TENM2: variants seen among roughly 807,000 people sequenced by gnomAD.
TENM2 encodes teneurin-2.
TENM2 carries 52 observed loss-of-function variants against 245.2 expected under a neutral mutation model. The ratio of observed to expected loss-of-function variants is 0.21; its 90% CI spans 0.17 to 0.27. The LOEUF is 0.27. Among genes scored for constraint, TENM2 ranks in the 10% least tolerant of loss-of-function variants. TENM2 has a pLI of 1.00. For synonymous variants in TENM2, 1,363 were observed against 1,438.9 expected, an observed-to-expected ratio of 0.95 and a Z score of 1.19; for missense variants, 3,046 against 3,666.8, an observed-to-expected ratio of 0.83 and a Z score of 4.37.
chr5:168,127,182 A>G (rs768609470), intron 12 of TENM2, among the ~76,000 whole-genome samples: 1 of 152,220 alleles, frequency 6.6e-6, no homozygotes, highest in Non-Finnish European at 1.5e-5. Context: ...ACCAGAGCAG[A>G]TAAGAAAACC....
At chr5:167,647,073 G>A (rs1780014732) in intron 2 of TENM2, among the ~76,000 whole-genome samples, 1 of 152,158 alleles carries the variant, frequency 6.6e-6, no homozygotes, top group African/African-American at 2.4e-5. Context: ...TAATACCAAA[G>A]ATGGGACTTT....
the TENM2 span, among the ~76,000 whole-genome samples, chr5:167,129,043 A>C: frequency 2.0e-5 from 3 of 152,128 alleles, no homozygotes; most frequent in Non-Finnish European, 4.4e-5. Flanking sequence ...AGTCAGGAAC[A>C]CCTTCCCCAG....
chr5:167,300,211 T>C (rs1416842150), intron 1 of TENM2, among the ~76,000 whole-genome samples: 1 of 152,184 alleles, frequency 6.6e-6, no homozygotes, highest in Non-Finnish European at 1.5e-5. Context: ...CGTGTGTTTT[T>C]ATGAGAATTA....
chr5:167,641,768 C>T (rs2150252504), intron 2 of TENM2, among the ~76,000 whole-genome samples: 1 of 152,248 alleles, frequency 6.6e-6, no homozygotes, highest in Non-Finnish European at 1.5e-5. Context: ...AATTATAAAA[C>T]CTGCTTCAGA....
chr5:167,039,860 G>A, the TENM2 span, among the ~76,000 whole-genome samples: 1 of 152,108 alleles, frequency 6.6e-6, no homozygotes, highest in Non-Finnish European at 1.5e-5. Context: ...AAAAAGCACA[G>A]GAGTTCACCT....
rs377141175 is a variant in TENM2, at chr5:167,436,288, C to T, written c.502+60815C>T. Among the ~76,000 whole-genome samples the T allele has an allele frequency of 2.5e-4, 38 of 151,818 alleles. No individual in the cohort carries two copies. The South Asian group carries it at 7.5e-3, about 30-fold the overall frequency. ...TTTTAGTAGAGACAGGATTTTCCCA[C>T]GTTGGCCAGGCTGGTCTCGAACTCC... On this transcript the variant is annotated intron_variant, in intron 2 of 28. Transcript: ENST00000518659.
At chr5:167,436,797 G>A (rs989227049) in intron 2 of TENM2, among the ~76,000 whole-genome samples, 2 of 152,080 alleles carry the variant, frequency 1.3e-5, no homozygotes, top group South Asian at 2.1e-4. Flanking sequence ...CTCTTCCTTC[G>A]GAGGGTGAAA....
At chr5:167,824,356 G>C (rs1767785525) in intron 2 of TENM2, among the ~76,000 whole-genome samples, 1 of 152,220 alleles carries the variant, frequency 6.6e-6, no homozygotes, top group South Asian at 2.1e-4. Context: ...TGTCTTCAGT[G>C]CCATGAGGGC....
chr5:167,189,231 G>T, the TENM2 span, among the ~76,000 whole-genome samples: 3 of 152,078 alleles, frequency 2.0e-5, no homozygotes, highest in African/African-American at 7.2e-5. Context: ...TGTAGTTATA[G>T]AATCACTCAT....
Position 167,648,597 on chromosome 5 carries a change from G to A in TENM2, c.503-227389G>A, listed in dbSNP as rs544746071. On this transcript the variant is annotated intron_variant, in intron 2 of 28. Transcript: ENST00000518659. ...GGAAACTCCAGCAAGTTATTTGGAA[G>A]TCTGTTTGATGTCAGTCTCCAGGGA... Among the ~76,000 whole-genome samples the A allele has an allele frequency of 2.0e-5, 3 of 152,308 alleles. No individual in the cohort carries two copies. The South Asian group carries it at 6.2e-4, about 32-fold the overall frequency.
intron 9 of TENM2, among the ~76,000 whole-genome samples, chr5:168,100,888 C>A (rs1469977279): frequency 6.8e-6 from 1 of 147,308 alleles, no homozygotes; most frequent in Admixed American, 6.8e-5. Context: ...CAAACCTGCA[C>A]ATTCTGCACA....
At chr5:167,758,658 C>G (rs2150692954) in intron 2 of TENM2, among the ~76,000 whole-genome samples, 1 of 152,176 alleles carries the variant, frequency 6.6e-6, no homozygotes, top group South Asian at 2.1e-4. Flanking sequence ...TAAGCACTTG[C>G]TGGTTGTTAG....
intron 2 of TENM2, among the ~76,000 whole-genome samples, chr5:167,671,946 A>C (rs986738630): frequency 6.6e-6 from 1 of 152,040 alleles, no homozygotes; most frequent in African/African-American, 2.4e-5. Context: ...TTCTATGTGC[A>C]CTGTGCTGGG....
At chr5:167,492,960 G>C (rs6555758) in intron 2 of TENM2, among the ~76,000 whole-genome samples, 143,492 of 152,230 alleles carry the variant, frequency 0.94, 67,915 homozygotes, top group Non-Finnish European at 0.99. Context: ...TTGGCAAAAT[G>C]TCAGCCAGGA....
At chr5:167,399,128 A>G (rs938320844) in intron 2 of TENM2, among the ~76,000 whole-genome samples, 1 of 152,146 alleles carries the variant, frequency 6.6e-6, no homozygotes, top group East Asian at 1.9e-4. Context: ...TCTGCCTCGT[A>G]TATCAAAAAG....
At chr5:167,082,658 T>A in the TENM2 span, among the ~76,000 whole-genome samples, 2 of 152,204 alleles carry the variant, frequency 1.3e-5, no homozygotes, top group African/African-American at 4.8e-5. Context: ...AGTTTGCAAC[T>A]ACTGTGACTC....
the TENM2 span, among the ~76,000 whole-genome samples, chr5:167,258,203 A>ATATATATATG: frequency 0.015 from 2,056 of 141,490 alleles, 64 homozygotes; most frequent in African/African-American, 0.052. Flanking sequence ...GTTGCCATAT[A>ATATATATATG]TATATATATA....
the TENM2 span, among the ~76,000 whole-genome samples, chr5:167,180,226 C>T: frequency 6.6e-6 from 1 of 151,084 alleles, no homozygotes; most frequent in Admixed American, 6.6e-5. Flanking sequence ...TCTTCTGCCT[C>T]AGCCTCCTGA....
At chr5:168,010,173 A>C (rs1245898094) in intron 5 of TENM2, among the ~76,000 whole-genome samples, 7 of 152,230 alleles carry the variant, frequency 4.6e-5, no homozygotes, top group Admixed American at 4.6e-4. Context: ...AATGGCATTT[A>C]AATGTAATTG....
Sources: allele counts gnomAD v4.1 joint callset (sites outside exome capture counted in the v4.1 genomes callset), GRCh38; gene constraint gnomAD v4.1.1; transcripts MANE v1.5; gene names NCBI Gene and HGNC (gene_info 2026-07-23, HGNC 2026-07-21).